NEGR1: variants seen among roughly 807,000 people sequenced by gnomAD.
NEGR1 encodes IgLON family member 4.
In NEGR1, 10 loss-of-function variants were observed where a neutral mutation model predicts 40.9. The observed-to-expected ratio is 0.24, with a 90% CI of 0.15 to 0.42. The LOEUF is 0.42. Among genes scored for constraint, NEGR1 ranks in the 10% least tolerant of loss-of-function variants. NEGR1 has a pLI of 1.00. For synonymous variants in NEGR1, 185 were observed against 166.8 expected (o/e 1.11, Z -0.84); for missense variants, 352 against 438.9 (o/e 0.80, Z 1.77).
At chr1:71,536,000 TCTTATTATTA>T (rs1458658884) in intron 6 of NEGR1, among the ~76,000 whole-genome samples, 13 of 151,694 alleles carry the variant, frequency 8.6e-5, no homozygotes. Context: ...TGTAGTTATT[TCTTATTATTA>T]CTTATAGAAG....
intron 6 of NEGR1, among the ~76,000 whole-genome samples, chr1:71,454,948 G>A (rs1646661806): frequency 6.6e-6 from 1 of 152,104 alleles, no homozygotes; most frequent in African/African-American, 2.4e-5. Context: ...CCTAACCTGG[G>A]GGTTGGCATA....
intron 3 of NEGR1, among the ~76,000 whole-genome samples, chr1:71,715,804 C>T (rs1377085841): frequency 1.3e-5 from 2 of 152,140 alleles, no homozygotes; most frequent in Admixed American, 1.3e-4. Flanking sequence ...TGGTCAAAGC[C>T]ATTCAACAAA....
At chr1:71,539,542 G>A (rs1394092097) in intron 6 of NEGR1, among the ~76,000 whole-genome samples, 1 of 151,672 alleles carries the variant, frequency 6.6e-6, no homozygotes, top group Non-Finnish European at 1.5e-5. Flanking sequence ...GGAGGTGTTC[G>A]AGTAGATGTG....
intron 1 of NEGR1, among the ~76,000 whole-genome samples, chr1:72,138,598 T>C (rs1237828600): frequency 6.6e-6 from 1 of 151,972 alleles, no homozygotes; most frequent in Non-Finnish European, 1.5e-5. Context: ...AAAAAGGTTA[T>C]TTCAGAGCAA....
intron 1 of NEGR1, among the ~76,000 whole-genome samples, chr1:72,154,856 T>A (rs921708984): frequency 6.6e-6 from 1 of 151,962 alleles, no homozygotes; most frequent in Non-Finnish European, 1.5e-5. Flanking sequence ...AGAAGTCACA[T>A]TTGAACAGGG....
intron 1 of NEGR1, among the ~76,000 whole-genome samples, chr1:72,218,870 AC>A (rs1653916639): frequency 6.6e-6 from 1 of 152,072 alleles, no homozygotes; most frequent in South Asian, 2.1e-4. Flanking sequence ...AAAAACTTCC[AC>A]AATCTACCAC....
At chr1:72,116,286 A>C (rs1436156528) in intron 1 of NEGR1, among the ~76,000 whole-genome samples, 1 of 151,932 alleles carries the variant, frequency 6.6e-6, no homozygotes, top group African/African-American at 2.4e-5. Flanking sequence ...GTTAAGCCAT[A>C]AACTTTAAGT....
chr1:71,881,883 A>G (rs755984901), intron 2 of NEGR1, among the ~76,000 whole-genome samples: 1 of 152,100 alleles, frequency 6.6e-6, no homozygotes, highest in Non-Finnish European at 1.5e-5. Context: ...ACATCTGTGT[A>G]CTGTAAAAAG....
intron 1 of NEGR1, among the ~76,000 whole-genome samples, chr1:72,162,292 A>AAAAAAAAAAAAAT (rs149586363): frequency 6.9e-6 from 1 of 144,658 alleles, no homozygotes; most frequent in Non-Finnish European, 1.5e-5. Context: ...CCTCTACTAA[A>AAAAAAAAAAAAAT]AAAAAATAAA....
chr1:71,605,287 C>T (rs561876307), intron 5 of NEGR1, among the ~76,000 whole-genome samples: 1 of 152,026 alleles, frequency 6.6e-6, no homozygotes, highest in Admixed American at 6.6e-5. Context: ...CTAAGTCAAG[C>T]TAACATATCA....
At chr1:72,201,806 GAATAT>G (rs1653223503) in intron 1 of NEGR1, among the ~76,000 whole-genome samples, 1 of 151,814 alleles carries the variant, frequency 6.6e-6, no homozygotes, top group African/African-American at 2.4e-5. Context: ...AAAGGTATGA[GAATAT>G]AAAATTGGAA....
intron 1 of NEGR1, among the ~76,000 whole-genome samples, chr1:71,968,923 G>A (rs1051331919): frequency 1.3e-5 from 2 of 152,156 alleles, no homozygotes; most frequent in African/African-American, 2.4e-5. Context: ...GGGGAATGTG[G>A]CTTCCTGGTA....
intron 2 of NEGR1, among the ~76,000 whole-genome samples, chr1:71,870,674 C>T (rs1363856396): frequency 6.6e-6 from 1 of 152,146 alleles, no homozygotes; most frequent in Non-Finnish European, 1.5e-5. Context: ...TTCTGTTACA[C>T]TGTGTGAAAT....
intron 4 of NEGR1, among the ~76,000 whole-genome samples, chr1:71,669,636 C>T (rs1194559558): frequency 6.6e-6 from 1 of 151,778 alleles, no homozygotes; most frequent in Non-Finnish European, 1.5e-5. Flanking sequence ...GTCATTGCCA[C>T]CATATATTTT....
At chr1:72,109,386 CAT>C (rs1329093946) in intron 1 of NEGR1, among the ~76,000 whole-genome samples, 2 of 151,596 alleles carry the variant, frequency 1.3e-5, no homozygotes, top group African/African-American at 4.8e-5. Context: ...TAATTCTAAA[CAT>C]GTGATAAGTA....
chr1:71,522,700 C>G (rs576759835), intron 6 of NEGR1, among the ~76,000 whole-genome samples: 1 of 148,720 alleles, frequency 6.7e-6, no homozygotes, highest in East Asian at 2.0e-4. Context: ...AGATAAAATG[C>G]TGCTATTTTC....
chr1:72,242,840 T>C (rs1212386859), intron 1 of NEGR1, among the ~76,000 whole-genome samples: 2 of 151,632 alleles, frequency 1.3e-5, no homozygotes, highest in East Asian at 1.9e-4. Flanking sequence ...GAGATTTGAG[T>C]TGTCTCATTG....
intron 2 of NEGR1, among the ~76,000 whole-genome samples, chr1:71,870,068 C>T (rs112544988): frequency 0.015 from 2,309 of 151,828 alleles, 52 homozygotes; most frequent in South Asian, 0.1. Context: ...TTAGTAGAGA[C>T]GGGGTTTCGC....
At chr1:71,803,215 A>G (rs755256394) in intron 2 of NEGR1, among the ~76,000 whole-genome samples, 6 of 152,218 alleles carry the variant, frequency 3.9e-5, no homozygotes, top group Non-Finnish European at 8.8e-5. Flanking sequence ...GAGACATCAG[A>G]GCTGTCTTTC....
Sources: gnomAD v4.1 joint callset for allele counts (sites outside exome capture counted in the v4.1 genomes callset) on GRCh38, gnomAD v4.1.1 for gene constraint, MANE v1.5 for transcripts, NCBI Gene and HGNC (gene_info 2026-07-23, HGNC 2026-07-21) for gene names.